Variants in SMYD3 observed in about 807,000 individuals in gnomAD.
SMYD3 encodes the protein histone-lysine N-methyltransferase SMYD3.
SMYD3 carries 36 observed loss-of-function variants against 57.7 expected under a neutral mutation model. The ratio of observed to expected loss-of-function variants is 0.62; its 90% confidence interval spans 0.48 to 0.82. The LOEUF (loss-of-function observed/expected upper bound fraction) is 0.82, where lower values mean the gene tolerates loss of function less well. Ranked by LOEUF, SMYD3 falls within the 40% of genes least tolerant of loss-of-function variation. The pLI is 0.00. For missense variants in SMYD3, 515 were observed against 538.8 expected (o/e 0.96, Z 0.44); for synonymous variants, 211 against 195.0 (o/e 1.08, Z -0.68).
chr1:246,296,759 C>G (rs1310093590), intron 5 of SMYD3, among the ~76,000 whole-genome samples: 1 of 152,036 alleles, frequency 6.6e-6, no homozygotes, highest in Non-Finnish European at 1.5e-5. Flanking sequence ...CTATGAAGTT[C>G]AGACAAAATA....
chr1:246,491,054 T>C (rs1313733951), intron 1 of SMYD3, among the ~76,000 whole-genome samples: 1 of 152,138 alleles, frequency 6.6e-6, no homozygotes, highest in Non-Finnish European at 1.5e-5. Flanking sequence ...TTCAGAGCTG[T>C]TAAGTAGTTT....
At chr1:246,499,399 T>TAC (rs1223387340) in intron 1 of SMYD3, among the ~76,000 whole-genome samples, 1,025 of 39,642 alleles carry the variant, frequency 0.026, 12 homozygotes, top group African/African-American at 0.059. Context: ...AACCATCAAA[T>TAC]ATACACACAC....
intron 5 of SMYD3, among the ~76,000 whole-genome samples, chr1:246,019,760 T>C (rs781234918): frequency 6.6e-6 from 1 of 152,114 alleles, no homozygotes; most frequent in Non-Finnish European, 1.5e-5. Flanking sequence ...ACCAAGGTAC[T>C]AAATGTAAAT....
At chr1:246,034,674 G>C in intron 5 of SMYD3, 1 of 157,460 alleles carries the variant, frequency 6.4e-6, no homozygotes. Context: ...GAAGAGGGAG[G>C]TGAGAGGTGA....
At chr1:245,852,548 A>G (rs1169426699) in intron 10 of SMYD3, among the ~76,000 whole-genome samples, 1 of 152,242 alleles carries the variant, frequency 6.6e-6, no homozygotes, top group Non-Finnish European at 1.5e-5. Context: ...CTAAACCCTC[A>G]TATTAGCCTT....
chr1:246,346,031 T>A (rs1170462042), intron 2 of SMYD3, among the ~76,000 whole-genome samples: 5 of 152,148 alleles, frequency 3.3e-5, no homozygotes, highest in Admixed American at 6.5e-5. Context: ...ACGCCTGTAA[T>A]CCCAGCACTG....
intron 5 of SMYD3, among the ~76,000 whole-genome samples, chr1:246,264,217 A>G (rs556034139): frequency 1.3e-5 from 2 of 152,230 alleles, no homozygotes; most frequent in Admixed American, 6.5e-5. Flanking sequence ...TTAAATTAGT[A>G]TATCAATTGT....
intron 5 of SMYD3, among the ~76,000 whole-genome samples, chr1:246,221,732 A>G (rs1281138095): frequency 6.6e-6 from 1 of 152,120 alleles, no homozygotes; most frequent in South Asian, 2.1e-4. Flanking sequence ...GGCGGACCCC[A>G]CGTTTGCTGA....
intron 8 of SMYD3, among the ~76,000 whole-genome samples, chr1:245,878,043 TGGAACTCAACAATGGCATCAATGG>T (rs747658457): frequency 0.013 from 2,017 of 152,052 alleles, 28 homozygotes; most frequent in Non-Finnish European, 0.015. Context: ...ACAGGTGGTG[TGGAACTCAACAATGGCATCAATGG>T]GGAAGAGACT....
chr1:246,342,974 G>A (rs1258897719), intron 2 of SMYD3, among the ~76,000 whole-genome samples: 1 of 152,166 alleles, frequency 6.6e-6, no homozygotes, highest in Non-Finnish European at 1.5e-5. Context: ...TCAAATTCAT[G>A]TACGTTCTAA....
intron 5 of SMYD3, among the ~76,000 whole-genome samples, chr1:246,225,924 C>T (rs900187162): frequency 2.0e-5 from 3 of 152,214 alleles, no homozygotes; most frequent in African/African-American, 4.8e-5. Flanking sequence ...GTAAGATGCT[C>T]TTCTAACTGG....
intron 5 of SMYD3, among the ~76,000 whole-genome samples, chr1:246,318,981 A>G (rs889057003): frequency 6.6e-6 from 1 of 152,240 alleles, no homozygotes; most frequent in Middle Eastern, 3.2e-3. Flanking sequence ...AGAACACGAT[A>G]AACAAATATC....
At chr1:246,076,628 T>C (rs1017250259) in intron 5 of SMYD3, among the ~76,000 whole-genome samples, 1 of 152,072 alleles carries the variant, frequency 6.6e-6, no homozygotes, top group Non-Finnish European at 1.5e-5. Context: ...TACTTGCTCT[T>C]TCTGGCTCAT....
chr1:246,122,562 T>G (rs2061440145), intron 5 of SMYD3, among the ~76,000 whole-genome samples: 1 of 152,234 alleles, frequency 6.6e-6, no homozygotes, highest in Non-Finnish European at 1.5e-5. Flanking sequence ...TCACTAAATA[T>G]TAATCCCATT....
intron 1 of SMYD3, among the ~76,000 whole-genome samples, chr1:246,439,211 T>C (rs1239326223): frequency 2.0e-5 from 3 of 151,868 alleles, no homozygotes; most frequent in African/African-American, 4.8e-5. Flanking sequence ...ATCCTCCCAT[T>C]TGAGCCTCCC....
At chr1:246,289,846 G>C (rs1475899850) in intron 5 of SMYD3, among the ~76,000 whole-genome samples, 1 of 152,104 alleles carries the variant, frequency 6.6e-6, no homozygotes, top group Non-Finnish European at 1.5e-5. Flanking sequence ...CCTCAGTAGG[G>C]ACTATTCCCA....
intron 5 of SMYD3, among the ~76,000 whole-genome samples, chr1:246,232,939 A>T (rs1314755968): frequency 7.4e-6 from 1 of 134,280 alleles, no homozygotes; most frequent in Non-Finnish European, 1.6e-5. Flanking sequence ...CATATACCAC[A>T]CAGAGGAGAA....
intron 8 of SMYD3, among the ~76,000 whole-genome samples, chr1:245,866,344 A>C (rs2051842833): frequency 6.7e-6 from 1 of 149,250 alleles, no homozygotes; most frequent in Admixed American, 6.8e-5. Flanking sequence ...GTGGATTTTA[A>C]AAAGACACCA....
At chr1:245,751,552 GAGAC>G (rs1291896727) in intron 11 of SMYD3, among the ~76,000 whole-genome samples, 2 of 150,000 alleles carry the variant, frequency 1.3e-5, no homozygotes, top group Non-Finnish European at 2.9e-5. Context: ...AAGAGAGAGA[GAGAC>G]AGAGAGACAG....
Sources: allele counts gnomAD v4.1 joint callset (sites outside exome capture counted in the v4.1 genomes callset), GRCh38; gene constraint gnomAD v4.1.1; transcripts MANE v1.5; gene names NCBI Gene and HGNC (gene_info 2026-07-23, HGNC 2026-07-21).